NUTF2: variants seen among roughly 807,000 people sequenced by gnomAD.
The protein encoded by NUTF2 is nuclear transport factor 2.
NUTF2 carries 3 observed loss-of-function variants against 18.5 expected under a neutral mutation model. That is an observed-to-expected ratio of 0.16 (90% CI 0.07 to 0.42). The LOEUF (loss-of-function observed/expected upper bound fraction) is 0.42. NUTF2 is among the 10% of genes least tolerant of loss of function. NUTF2 has a pLI of 0.99. For missense variants in NUTF2, 44 were observed against 160.7 expected, an observed-to-expected ratio of 0.27 and a Z score of 3.93; for synonymous variants, 51 against 57.9, an observed-to-expected ratio of 0.88 and a Z score of 0.54.
chr16:67,854,053 CA>C (rs772611416), intron 1 of NUTF2, among the ~76,000 whole-genome samples: 2 of 152,166 alleles, frequency 1.3e-5, no homozygotes, highest in Non-Finnish European at 2.9e-5. Flanking sequence ...CAGGTTCAAG[CA>C]ATTCTCCTGC....
intron 1 of NUTF2, among the ~76,000 whole-genome samples, chr16:67,849,067 G>A (rs1456691502): frequency 6.6e-6 from 1 of 152,164 alleles, no homozygotes; most frequent in African/African-American, 2.4e-5. Context: ...CTTCTCTCTG[G>A]ATGTAACTTT....
intron 1 of NUTF2, among the ~76,000 whole-genome samples, chr16:67,848,894 C>T (rs2057830475): frequency 6.6e-6 from 1 of 152,104 alleles, no homozygotes; most frequent in Non-Finnish European, 1.5e-5. Context: ...TTTTCTTCCT[C>T]CTTGAATATT....
chr16:67,864,509 CAAAAAAAAAAAAA>C (rs572931294), intron 1 of NUTF2, among the ~76,000 whole-genome samples: 1 of 53,078 alleles, frequency 1.9e-5, no homozygotes, highest in South Asian at 6.6e-4. Flanking sequence ...AACTCTGTCT[CAAAAAAAAAAAAA>C]AAAAAAAAAA....
chr16:67,866,537 C>T (rs974638543), intron 2 of NUTF2, among the ~76,000 whole-genome samples: 2 of 152,002 alleles, frequency 1.3e-5, no homozygotes, highest in African/African-American at 4.8e-5. Context: ...GCAATCTTGG[C>T]TCACTGCAAT....
At chr16:67,862,107 T>C (rs1319206798) in intron 1 of NUTF2, among the ~76,000 whole-genome samples, 1 of 150,798 alleles carries the variant, frequency 6.6e-6, no homozygotes, top group African/African-American at 2.4e-5. Flanking sequence ...GCTTAGGGAG[T>C]TTGGCCTTTA....
chr16:67,870,635 T>C, intron 4 of NUTF2, 165 bp from the exon 5 acceptor site: 1 of 655,182 alleles, frequency 1.5e-6, no homozygotes, highest in Non-Finnish European at 2.8e-6. Context: ...TTTCATACAT[T>C]ACATCAATTC....
intron 2 of NUTF2, among the ~76,000 whole-genome samples, chr16:67,866,759 G>T (rs1227249273): frequency 6.6e-6 from 1 of 151,840 alleles, no homozygotes; most frequent in East Asian, 1.9e-4. Context: ...AAGCCACCGC[G>T]CCCGGCTACA....
chr16:67,866,451 A>G (rs1003460825), intron 2 of NUTF2, among the ~76,000 whole-genome samples: 1 of 151,662 alleles, frequency 6.6e-6, no homozygotes, highest in African/African-American at 2.4e-5. Flanking sequence ...GGCTACAGGC[A>G]TGCACCACCA....
At chr16:67,862,281 G>A (rs945654108) in intron 1 of NUTF2, among the ~76,000 whole-genome samples, 12 of 152,162 alleles carry the variant, frequency 7.9e-5, no homozygotes, top group Non-Finnish European at 1.5e-4. Flanking sequence ...CGACATCACT[G>A]GATGACAGTG....
In NUTF2 at chr16:67,871,129, C is replaced by T; in HGVS notation, c.*216C>T. On this transcript the variant is annotated 3_prime_UTR_variant, in exon 5 of 5. Transcript: ENST00000219169. ...AAGTTTGTGTTGTACCAGCGCATGC[C>T]TTGGAAAGACTTAAGTAATGCAAAA... 1 of 417,292 alleles carries T rather than the reference C, an allele frequency of 2.4e-6. No individual in the cohort carries two copies. Among genetic ancestry groups the T allele is most frequent in the Non-Finnish European group, 4.3e-6 (1 of 233,508 alleles). 25.8% of individuals were successfully genotyped at this position (417,292 alleles called of 1,614,324 possible).
intron 1 of NUTF2, among the ~76,000 whole-genome samples, chr16:67,859,039 T>C (rs2057916813): frequency 6.6e-6 from 1 of 152,020 alleles, no homozygotes; most frequent in Admixed American, 6.6e-5. Context: ...CTCACTATGT[T>C]GTCCAGGCTG....
At chr16:67,865,741 A>G (rs1448858373) in intron 2 of NUTF2, among the ~76,000 whole-genome samples, 3 of 136,154 alleles carry the variant, frequency 2.2e-5, no homozygotes, top group Admixed American at 7.6e-5. Context: ...TTTTTTTGAG[A>G]TGGAGTCTTG....
At chr16:67,850,588 C>T (rs2057847122) in intron 1 of NUTF2, among the ~76,000 whole-genome samples, 1 of 152,188 alleles carries the variant, frequency 6.6e-6, no homozygotes, top group Non-Finnish European at 1.5e-5. Context: ...GTTTCTGGAA[C>T]TTGGCGGGCC....
intron 1 of NUTF2, among the ~76,000 whole-genome samples, chr16:67,848,031 C>A (rs1276847068): frequency 1.3e-5 from 2 of 152,210 alleles, no homozygotes; most frequent in Admixed American, 1.3e-4. Flanking sequence ...CACTTCCCAA[C>A]AACTGGAGCT....
chr16:67,855,912 G>T, intron 1 of NUTF2: 2 of 546,976 alleles, frequency 3.7e-6, no homozygotes, highest in Non-Finnish European at 6.3e-6. Flanking sequence ...GGGGAAATGA[G>T]AATAACTTTA....
rs542897142 is a variant in NUTF2, at chr16:67,857,267, A to G, written c.-29-7835A>G. 2.0e-5 allele frequency among the ~76,000 whole-genome samples: 3 copies of G among 152,326 alleles called. No homozygotes were observed. The South Asian group carries it at 6.2e-4, about 32-fold the overall frequency. ...GGGAGGTTACATAGGGAGTGAGTGC[A>G]GAGCAGAGACCAGAATGCAGGTCTC... On this transcript the variant is annotated intron_variant, in intron 1 of 4. Coordinates refer to ENST00000219169, the MANE Select transcript of NUTF2 (RefSeq NM_005796.3).
chr16:67,865,833 C>G (rs2057967386), intron 2 of NUTF2, among the ~76,000 whole-genome samples: 1 of 151,902 alleles, frequency 6.6e-6, no homozygotes, highest in Non-Finnish European at 1.5e-5. Flanking sequence ...ATTCTCCTGC[C>G]TCAGCCTCCC....
In NUTF2 at chr16:67,870,981, C is replaced by A; in HGVS notation, c.*68C>A. Reference sequence around the variant, plus strand: ...TCTTCCCAATACTATTCCCACTCCTCCAGATGCTCCAAATATCATGCACAA... The same window carrying A: ...TCTTCCCAATACTATTCCCACTCCTACAGATGCTCCAAATATCATGCACAA... On this transcript the variant is annotated 3_prime_UTR_variant, in exon 5 of 5. Transcript: ENST00000219169. 1.7e-6 allele frequency: 2 copies of A among 1,157,108 alleles called. No homozygotes were observed. The highest frequency in any genetic ancestry group is 2.6e-6 in the Non-Finnish European group (2 of 769,946). The allele number at this position is 1,157,108 out of a possible 1,614,324, so 71.7% of individuals were successfully genotyped here. A position where few individuals can be genotyped will look rare whatever the true frequency, so the allele number is the denominator to read the frequency against.
At chr16:67,865,012 C>A (rs2057960883) in intron 1 of NUTF2, 90 bp from the exon 2 acceptor site, 1 of 656,514 alleles carries the variant, frequency 1.5e-6, no homozygotes, top group African/African-American at 1.8e-5. Context: ...GCAAAGGACT[C>A]CAGGAAGGCC....
Sources: gnomAD v4.1 joint callset for allele counts (sites outside exome capture counted in the v4.1 genomes callset) on GRCh38, gnomAD v4.1.1 for gene constraint, MANE v1.5 for transcripts, NCBI Gene and HGNC (gene_info 2026-07-23, HGNC 2026-07-21) for gene names.